Variants in ADGRL3 observed in about 807,000 individuals in gnomAD.
The protein encoded by ADGRL3 is adhesion G protein-coupled receptor L3, also known as calcium-independent alpha-latrotoxin receptor 3.
ADGRL3 carries 62 observed loss-of-function variants against 153.5 expected under a neutral mutation model. The ratio of observed to expected loss-of-function variants is 0.40; its 90% confidence interval spans 0.33 to 0.50. ADGRL3 has a LOEUF of 0.50. Ranked by LOEUF, ADGRL3 falls within the 20% of genes least tolerant of loss-of-function variation. The pLI is 0.47. For synonymous variants in ADGRL3, 710 were observed against 672.5 expected (o/e 1.06, Z -0.86); for missense variants, 1,641 against 1,859.4 (o/e 0.88, Z 2.16).
intron 9 of ADGRL3, among the ~76,000 whole-genome samples, chr4:61,820,314 A>G (rs1374942877): frequency 6.6e-6 from 1 of 152,170 alleles, no homozygotes; most frequent in Admixed American, 6.5e-5. Context: ...TATGGCTGTG[A>G]TGGCTTTATG....
At chr4:61,938,354 GTCTT>G (rs2098848043) in intron 15 of ADGRL3, among the ~76,000 whole-genome samples, 2 of 152,140 alleles carry the variant, frequency 1.3e-5, no homozygotes, top group Admixed American at 1.3e-4. Flanking sequence ...TAACAGATAA[GTCTT>G]TAGTGAATTA....
At chr4:61,281,968 TG>T (rs1162056200) in intron 1 of ADGRL3, among the ~76,000 whole-genome samples, 1 of 152,118 alleles carries the variant, frequency 6.6e-6, no homozygotes, top group Non-Finnish European at 1.5e-5. Flanking sequence ...GTAGGGCACT[TG>T]GCTCTGTCTC....
At chr4:61,404,581 A>T (rs1335231117) in intron 2 of ADGRL3, among the ~76,000 whole-genome samples, 1 of 152,066 alleles carries the variant, frequency 6.6e-6, no homozygotes, top group Non-Finnish European at 1.5e-5. Context: ...ATTGTGGAGG[A>T]TACCTCAGGT....
chr4:61,743,454 T>A (rs1338114942), intron 8 of ADGRL3, among the ~76,000 whole-genome samples: 5 of 152,188 alleles, frequency 3.3e-5, no homozygotes, highest in Non-Finnish European at 7.3e-5. Context: ...TAGTTATTTT[T>A]TTAAGTGAGA....
chr4:61,264,758 A>T (rs2092745668), intron 1 of ADGRL3, among the ~76,000 whole-genome samples: 1 of 151,718 alleles, frequency 6.6e-6, no homozygotes, highest in African/African-American at 2.4e-5. Context: ...CTAGTACTGG[A>T]ATTCCATTGT....
chr4:61,822,818 C>T (rs1204348096), intron 9 of ADGRL3, among the ~76,000 whole-genome samples: 3 of 151,962 alleles, frequency 2.0e-5, no homozygotes, highest in Non-Finnish European at 4.4e-5. Context: ...AATTCTCTTT[C>T]CATGCTGGCT....
At chr4:61,554,183 T>TTTA (rs1472647772) in intron 4 of ADGRL3, among the ~76,000 whole-genome samples, 1 of 148,006 alleles carries the variant, frequency 6.8e-6, no homozygotes, top group Non-Finnish European at 1.5e-5. Context: ...TTTATTTTAT[T>TTTA]TTATTTTATT....
intron 2 of ADGRL3, among the ~76,000 whole-genome samples, chr4:61,419,749 G>T (rs1229450229): frequency 6.6e-6 from 1 of 151,842 alleles, no homozygotes; most frequent in African/African-American, 2.4e-5. Context: ...TATTTTCACA[G>T]ATTTAAACAT....
chr4:61,323,399 AT>A (rs36116468), intron 1 of ADGRL3, among the ~76,000 whole-genome samples: 67 of 151,262 alleles, frequency 4.4e-4, no homozygotes, highest in Middle Eastern at 3.4e-3. Context: ...CAAAATATGG[AT>A]TTTTTTTTCT....
At chr4:61,282,581 T>A (rs918994315) in intron 1 of ADGRL3, among the ~76,000 whole-genome samples, 2 of 151,940 alleles carry the variant, frequency 1.3e-5, no homozygotes, top group African/African-American at 2.4e-5. Context: ...ACATTTTGAG[T>A]TTTTTTAGTC....
At chr4:61,434,618 C>T (rs1560627137) in intron 2 of ADGRL3, among the ~76,000 whole-genome samples, 1 of 116,308 alleles carries the variant, frequency 8.6e-6, no homozygotes, top group South Asian at 2.7e-4. Flanking sequence ...ACTCCGAATC[C>T]TGCTGACTAT....
chr4:61,269,703 G>T (rs764316722), intron 1 of ADGRL3, among the ~76,000 whole-genome samples: 3 of 151,662 alleles, frequency 2.0e-5, no homozygotes, highest in Admixed American at 2.0e-4. Flanking sequence ...ATTTTGGCTA[G>T]ATCTATTATT....
intron 2 of ADGRL3, among the ~76,000 whole-genome samples, chr4:61,408,385 T>C (rs1471036588): frequency 6.6e-6 from 1 of 151,706 alleles, no homozygotes; most frequent in Non-Finnish European, 1.5e-5. Context: ...CCTGGGTATT[T>C]GCAGCCCATG....
At chr4:61,866,838 A>G (rs752075798) in intron 9 of ADGRL3, among the ~76,000 whole-genome samples, 23 of 152,146 alleles carry the variant, frequency 1.5e-4, no homozygotes, top group Non-Finnish European at 2.9e-4. Context: ...GTAGTGTCAC[A>G]TCAATCAATC....
chr4:61,295,379 G>C (rs749073894), intron 1 of ADGRL3, among the ~76,000 whole-genome samples: 16 of 152,040 alleles, frequency 1.1e-4, no homozygotes, highest in Admixed American at 3.9e-4. Flanking sequence ...AGGTATATAT[G>C]TATAGGAGAA....
chr4:61,795,152 T>G (rs1561264317), intron 8 of ADGRL3, among the ~76,000 whole-genome samples: 2 of 152,202 alleles, frequency 1.3e-5, no homozygotes, highest in African/African-American at 2.4e-5. Context: ...TATGTATTTA[T>G]TTTTTAGCTC....
chr4:61,644,354 C>T (rs1202220932), intron 5 of ADGRL3, among the ~76,000 whole-genome samples: 4 of 151,192 alleles, frequency 2.6e-5, no homozygotes, highest in Non-Finnish European at 5.9e-5. Context: ...TTTGCTCTTG[C>T]TTTTCTAGTT....
chr4:61,432,484 C>G (rs2097366728), intron 2 of ADGRL3, among the ~76,000 whole-genome samples: 1 of 152,032 alleles, frequency 6.6e-6, no homozygotes, highest in South Asian at 2.1e-4. Flanking sequence ...TTATTCTTGG[C>G]ATAGGTATGA....
chr4:61,827,234 A>C (rs1250144793), intron 9 of ADGRL3, among the ~76,000 whole-genome samples: 1 of 152,204 alleles, frequency 6.6e-6, no homozygotes, highest in Non-Finnish European at 1.5e-5. Context: ...TGCTGTGCCC[A>C]CACAATCAGA....
Sources: allele counts gnomAD v4.1 joint callset (sites outside exome capture counted in the v4.1 genomes callset), GRCh38; gene constraint gnomAD v4.1.1; transcripts MANE v1.5; gene names NCBI Gene and HGNC (gene_info 2026-07-23, HGNC 2026-07-21).